Variants in VPS13C observed in about 807,000 individuals in gnomAD.
The protein encoded by VPS13C is vacuolar protein sorting 13 homolog C.
A neutral mutation model predicts 456.8 loss-of-function variants in VPS13C; 358 were observed. The ratio of observed to expected loss-of-function variants is 0.78; its 90% CI spans 0.72 to 0.86. VPS13C has a LOEUF of 0.86. Ranked by LOEUF, VPS13C falls within the 40% of genes least tolerant of loss-of-function variation. The pLI, the probability that VPS13C is intolerant of heterozygous loss-of-function variation, is 0.00. For synonymous variants in VPS13C, 1,578 were observed against 1,486.7 expected, an observed-to-expected ratio of 1.06 and a Z score of -1.41; for missense variants, 4,818 against 4,385.4, an observed-to-expected ratio of 1.10 and a Z score of -2.79.
At chr15:61,886,704 C>A (rs1250627615) in intron 67 of VPS13C, among the ~76,000 whole-genome samples, 2 of 152,080 alleles carry the variant, frequency 1.3e-5, no homozygotes, top group Non-Finnish European at 2.9e-5. Context: ...ACTTTGCTGG[C>A]ACCTGAATTA....
In VPS13C at chr15:61,981,421, G is replaced by A. The variant is rs1236789943; in HGVS notation, c.2087C>T (p.Pro696Leu). ...KVLDLRINLKPSYLVVPQTGF... is the reference protein window; with the variant it reads ...KVLDLRINLKLSYLVVPQTGF... ...CGTCTGTGGAACTACTAGATAAGAA[G>A]GCTTCAGATTTATCCTTAAATCAAG... is the stretch of plus-strand genomic sequence containing the variant. Residue 696 changes from proline (P) to leucine (L), a missense_variant, in exon 22 of 85, where the codon CCT becomes CTT. By Grantham distance (98) the Pro-to-Leu change is moderately conservative (BLOSUM62 -3). Around this residue, in one of 3 missense-constraint regions of VPS13C, gnomAD observed 4,552 missense variants for 4,130.6 expected, o/e 1.10. Transcript: ENST00000644861. The A allele has an allele frequency of 6.2e-7, 1 of 1,612,266 alleles. No homozygotes were observed. Among genetic ancestry groups the A allele is most frequent in the Non-Finnish European group, 8.5e-7 (1 of 1,179,354 alleles).
chr15:61,927,003 C>A, intron 52 of VPS13C, 88 bp downstream of exon 52: 1 of 1,148,076 alleles, frequency 8.7e-7, no homozygotes, highest in Non-Finnish European at 1.3e-6. Flanking sequence ...CTCTAAAGTC[C>A]CTGCAGAGCT....
At chr15:62,054,243 T>C (rs529415882) in intron 1 of VPS13C, among the ~76,000 whole-genome samples, 43 of 152,328 alleles carry the variant, frequency 2.8e-4, no homozygotes, top group Admixed American at 1.4e-3. Flanking sequence ...AAAATCTAGA[T>C]AAACCTTCCT....
intron 16 of VPS13C, among the ~76,000 whole-genome samples, chr15:61,999,393 AGAG>A (rs1157226032): frequency 4.1e-5 from 6 of 146,592 alleles, no homozygotes; most frequent in African/African-American, 1.0e-4. Flanking sequence ...AAAAAAAAAA[AGAG>A]AGAGAGAGAG....
At chr15:61,925,200 C>T (rs1281784028) in intron 53 of VPS13C, among the ~76,000 whole-genome samples, 4 of 151,702 alleles carry the variant, frequency 2.6e-5, no homozygotes, top group African/African-American at 4.8e-5. Flanking sequence ...CCACAACACA[C>T]GCATGCAAAT....
chr15:61,890,761 C>A (rs1199987486), intron 66 of VPS13C, among the ~76,000 whole-genome samples: 5 of 152,096 alleles, frequency 3.3e-5, no homozygotes, highest in Admixed American at 6.5e-5. Context: ...AGAGATGTAA[C>A]CTTAGCCCAG....
At chr15:62,006,439 A>G (rs1423622296) in intron 15 of VPS13C, among the ~76,000 whole-genome samples, 1 of 152,020 alleles carries the variant, frequency 6.6e-6, no homozygotes, top group Admixed American at 6.6e-5. Context: ...TGAACTCATC[A>G]TTTTTTATGG....
chr15:61,987,273 A>C (rs1464140766), intron 18 of VPS13C, among the ~76,000 whole-genome samples: 1 of 152,164 alleles, frequency 6.6e-6, no homozygotes. Flanking sequence ...AAACTATAAT[A>C]ATCAAGTGCA....
intron 32 of VPS13C, 54 bp from the exon 33 acceptor site, chr15:61,962,906 C>A (rs895289815): frequency 9.6e-6 from 12 of 1,245,180 alleles, no homozygotes; most frequent in Admixed American, 2.2e-5. Context: ...TAAATAAGAT[C>A]TTTCTTTCCA....
intron 43 of VPS13C, 77 bp from the exon 44 acceptor site, chr15:61,946,487 T>C (rs1317134374): frequency 4.9e-6 from 5 of 1,014,360 alleles, no homozygotes; most frequent in South Asian, 1.7e-5. Context: ...TTCAATAATA[T>C]ACTGACAAGA....
intron 47 of VPS13C, 76 bp from the exon 48 acceptor site, chr15:61,936,826 G>T (rs2044243205): frequency 5.0e-6 from 7 of 1,400,350 alleles, no homozygotes; most frequent in Non-Finnish European, 5.7e-6. Context: ...CTCGATTTGT[G>T]GTTTTTCAAA....
chr15:62,041,598 G>T (rs906239190), intron 2 of VPS13C, among the ~76,000 whole-genome samples: 2 of 151,970 alleles, frequency 1.3e-5, no homozygotes, highest in African/African-American at 2.4e-5. Flanking sequence ...CGGGTGGATC[G>T]CCTGAGTTCA....
At position 61,856,398 on chromosome 15, in the gene VPS13C, C is replaced by G. The variant is rs143733845; in HGVS notation, c.10964G>C (p.Cys3655Ser). 3.7e-6 allele frequency: 6 copies of G among 1,611,986 alleles called. No homozygotes were observed. Among genetic ancestry groups the G allele is most frequent in the Non-Finnish European group, 4.2e-6 (5 of 1,179,234 alleles). ...ILMVTNRRVL[C>S]IKEVEILGLM... Reference sequence around the variant, plus strand: ...GCCCAGGATTTCAACTTCCTTTATACACAACACTCGCCTATTTTGCAAAAG... The same window carrying G: ...GCCCAGGATTTCAACTTCCTTTATAGACAACACTCGCCTATTTTGCAAAAG... The change falls in exon 83 of 85, where the codon TGT becomes TCT. Residue 3655 changes from cysteine (C) to serine (S), a missense_variant. By Grantham distance (112) the Cys-to-Ser change is moderately radical. This residue lies in a region of VPS13C where 261 missense variants were observed against 234.1 expected (regional missense o/e 1.11). Coordinates refer to ENST00000644861, the MANE Select transcript of VPS13C (RefSeq NM_020821.3).
rs774938725 is a variant in VPS13C, at chr15:61,977,111, G to A, written c.2379C>T (p.Ala793=). 12 of 1,600,106 alleles carry A rather than the reference G, an allele frequency of 7.5e-6. No homozygotes were observed. In the Admixed American group the frequency reaches 1.9e-4, roughly 25 times the overall value. ...PMDIHVELAK[A]MVEKDIRMAR... is the part of the protein sequence containing the mutation. ...CCATTCTAATGTCTTTTTCTACCAT[G>A]GCCTTAGCCAACTCAACATGAATAT... The change falls in exon 24 of 85, where the codon GCC becomes GCT. Residue 793 remains alanine, a synonymous_variant. Coordinates refer to ENST00000644861, the MANE Select transcript of VPS13C (RefSeq NM_020821.3).
At chr15:61,934,483 C>T (rs2044159312) in intron 48 of VPS13C, 152 bp from the exon 49 acceptor site, 1 of 441,862 alleles carries the variant, frequency 2.3e-6, no homozygotes, top group Non-Finnish European at 3.9e-6. Context: ...AATTATGTTC[C>T]AACTGTTAAA....
At chr15:61,862,900 A>AT (rs1418220376) in intron 82 of VPS13C, among the ~76,000 whole-genome samples, 2 of 152,174 alleles carry the variant, frequency 1.3e-5, no homozygotes, top group Non-Finnish European at 2.9e-5. Context: ...TATAATTGTC[A>AT]TTTTGGGATA....
intron 16 of VPS13C, among the ~76,000 whole-genome samples, chr15:61,993,991 T>A (rs2046301124): frequency 6.6e-6 from 1 of 152,048 alleles, no homozygotes; most frequent in Non-Finnish European, 1.5e-5. Context: ...CAAAAATAAA[T>A]AAAAATATAC....
chr15:61,908,965 T>C, intron 65 of VPS13C, 27 bp downstream of exon 65: 7 of 1,607,496 alleles, frequency 4.4e-6, no homozygotes, highest in Non-Finnish European at 5.9e-6. Flanking sequence ...AATAAAAGTA[T>C]TTCCCATTAA....
intron 47 of VPS13C, among the ~76,000 whole-genome samples, chr15:61,940,235 T>A (rs889998632): frequency 1.3e-5 from 2 of 152,202 alleles, no homozygotes; most frequent in African/African-American, 4.8e-5. Flanking sequence ...GAATATCACT[T>A]TGCATTGTCT....
Sources: gnomAD v4.1 joint callset for allele counts (sites outside exome capture counted in the v4.1 genomes callset) on GRCh38, gnomAD v4.1.1 for gene constraint, gnomAD v4.1.1 regional missense constraint, MANE v1.5 for transcripts, NCBI Gene and HGNC (gene_info 2026-07-23, HGNC 2026-07-21) for gene names.